The following TMCC1 variants were observed in gnomAD, a reference collection of about 807,000 sequenced individuals.
The protein encoded by TMCC1 is transmembrane and coiled-coil domains protein 1.
In TMCC1, 15 loss-of-function variants were observed where a neutral mutation model predicts 52.4. The observed-to-expected ratio is 0.29, with a 90% CI of 0.19 to 0.44. TMCC1 has a LOEUF of 0.44. TMCC1 is among the 20% of genes least tolerant of loss of function. The probability of loss-of-function intolerance (pLI) is 1.00; values close to 1 mark genes in which losing one functional copy is unlikely to be tolerated. For missense variants in TMCC1, 503 were observed against 806.0 expected (o/e 0.62, Z 4.55); for synonymous variants, 279 against 301.9 (o/e 0.92, Z 0.79).
chr3:129,830,453 A>C (rs2058856209), intron 3 of TMCC1, among the ~76,000 whole-genome samples: 1 of 152,236 alleles, frequency 6.6e-6, no homozygotes, highest in African/African-American at 2.4e-5. Context: ...AGTTACTGAA[A>C]GAATTGAGTT....
Position 129,662,327 on chromosome 3 carries a change from C to T in TMCC1, c.1512-7224G>A, listed in dbSNP as rs569739289. On this transcript the variant is annotated intron_variant, in intron 5 of 6. Coordinates refer to ENST00000393238, the MANE Select transcript of TMCC1 (RefSeq NM_001017395.5). ...TGTACTTACACAAATCTAGATAGTACAGCCTATGATACACTTAGGCTGTAT... is the reference window on the plus strand; with the variant it reads ...TGTACTTACACAAATCTAGATAGTATAGCCTATGATACACTTAGGCTGTAT... Among the ~76,000 whole-genome samples the T allele has an allele frequency of 9.2e-5, 14 of 152,268 alleles. No individual in the cohort carries two copies. In the South Asian group the frequency reaches 2.9e-3, roughly 32 times the overall value.
rs528356843 is a variant in TMCC1, at chr3:129,665,593, A to G, written c.1511+4737T>C. ...AACAGTGACTCAACTTTTAGTAAAC[A>G]TTTACTTCAACTTGGGATAGGCCTA... On this transcript the variant is annotated intron_variant, in intron 5 of 6. Transcript: ENST00000393238. 1.9e-3 allele frequency among the ~76,000 whole-genome samples: 288 copies of G among 152,308 alleles called. 4 individuals carry two copies. Among genetic ancestry groups the G allele is most frequent in the African/African-American group, 6.6e-3 (276 of 41,572 alleles).
chr3:129,790,183 AG>A (rs2056353243), intron 4 of TMCC1, among the ~76,000 whole-genome samples: 1 of 152,240 alleles, frequency 6.6e-6, no homozygotes, highest in African/African-American at 2.4e-5. Context: ...TCTACCCTAA[AG>A]TAAGTCTCAC....
intron 4 of TMCC1, among the ~76,000 whole-genome samples, chr3:129,703,290 G>A (rs2047979482): frequency 6.6e-6 from 1 of 152,186 alleles, no homozygotes; most frequent in East Asian, 1.9e-4. Flanking sequence ...GGCTACTTAC[G>A]GAAATCCAAC....
chr3:129,759,709 ACTTTT>A lies in TMCC1; in HGVS notation c.576+68089_576+68093del, dbSNP rs1473604618. ...GGCATGAGCCACTGCAGCCAGCCAA[ACTTTT>A]TTTTTTTTTTTTTTTTTTTTTTTTT... is the stretch of plus-strand genomic sequence containing the variant. On this transcript the variant is annotated intron_variant, in intron 4 of 6. Transcript: ENST00000393238. 6.5e-4 allele frequency among the ~76,000 whole-genome samples: 64 copies of A among 98,372 alleles called. 2 individuals are homozygous for A. Among genetic ancestry groups the A allele is most frequent in the African/African-American group, 1.9e-3 (48 of 25,372 alleles). The allele number at this position is 98,372 out of a possible 152,430, so 64.5% of individuals were successfully genotyped here.
chr3:129,795,701 C>T (rs2056779658), intron 4 of TMCC1, among the ~76,000 whole-genome samples: 1 of 152,152 alleles, frequency 6.6e-6, no homozygotes, highest in South Asian at 2.1e-4. Flanking sequence ...TGGAAAATTC[C>T]AGAAACAAAC....
intron 4 of TMCC1, among the ~76,000 whole-genome samples, chr3:129,798,001 C>CTT (rs1164349474): frequency 3.4e-5 from 3 of 88,582 alleles, no homozygotes; most frequent in Admixed American, 1.2e-4. Flanking sequence ...TTTTTTTTTT[C>CTT]TTTTTTTTTT....
At chr3:129,791,219 G>GA (rs989938867) in intron 4 of TMCC1, among the ~76,000 whole-genome samples, 88 of 150,970 alleles carry the variant, frequency 5.8e-4, no homozygotes, top group African/African-American at 2.0e-3. Context: ...TCAGCCTCCT[G>GA]AGTAGGTGGG....
intron 4 of TMCC1, among the ~76,000 whole-genome samples, chr3:129,743,164 G>C (rs1231970183): frequency 6.6e-6 from 1 of 152,132 alleles, no homozygotes; most frequent in Admixed American, 6.5e-5. Flanking sequence ...ACTTTCAATG[G>C]GTGAGGTGTA....
intron 6 of TMCC1, among the ~76,000 whole-genome samples, chr3:129,654,218 C>T (rs2086531584): frequency 6.6e-6 from 1 of 152,198 alleles, no homozygotes; most frequent in Non-Finnish European, 1.5e-5. Context: ...GCTTGGGCAA[C>T]TTCAGACTGA....
At chr3:129,848,124 TA>T (rs1270384497) in intron 2 of TMCC1, among the ~76,000 whole-genome samples, 1 of 152,370 alleles carries the variant, frequency 6.6e-6, no homozygotes, top group East Asian at 1.9e-4. Flanking sequence ...TTCATTTTCT[TA>T]AAGGTATCTT....
chr3:129,674,735 C>T (rs2088254670), intron 4 of TMCC1, among the ~76,000 whole-genome samples: 1 of 152,202 alleles, frequency 6.6e-6, no homozygotes, highest in East Asian at 1.9e-4. Context: ...TAATACTTAG[C>T]ACTTAGCTAT....
chr3:129,860,368 C>A (rs890328537), intron 2 of TMCC1, among the ~76,000 whole-genome samples: 2 of 151,880 alleles, frequency 1.3e-5, no homozygotes, highest in African/African-American at 2.4e-5. Context: ...CTGCGCCCAG[C>A]CCGTGAGTGG....
In TMCC1 at chr3:129,893,604, C is replaced by G. The variant is rs1300463701; in HGVS notation, c.-545G>C. 2 of 152,184 alleles carry G rather than the reference C, an allele frequency of 1.3e-5. No individual in the cohort carries two copies. The highest frequency in any genetic ancestry group is 6.6e-5 in the Admixed American group (1 of 15,150). 9.4% of individuals were successfully genotyped at this position (152,184 alleles called of 1,614,324 possible). On this transcript the variant is annotated 5_prime_UTR_variant, in exon 1 of 7. Coordinates refer to ENST00000393238, the MANE Select transcript of TMCC1 (RefSeq NM_001017395.5). ...ACCCGGTCCATCCCCCACAACCACC[C>G]CCCCCTCCCGACCCTCCCCCCGCGC...
intron 2 of TMCC1, among the ~76,000 whole-genome samples, chr3:129,843,911 C>CAAAAAAAAAAAAA (rs11391229): frequency 7.4e-6 from 1 of 135,618 alleles, no homozygotes; most frequent in Non-Finnish European, 1.6e-5. Flanking sequence ...CAGACACTAC[C>CAAAAAAAAAAAAA]AAAAAAAAAA....
At chr3:129,738,020 C>G (rs1321066576) in intron 4 of TMCC1, among the ~76,000 whole-genome samples, 2 of 152,034 alleles carry the variant, frequency 1.3e-5, no homozygotes, top group African/African-American at 4.8e-5. Context: ...CCTGTAATCC[C>G]AGCACTTTGG....
rs576183514 is a variant in TMCC1, at chr3:129,734,455, G to C, written c.577-63191C>G. On this transcript the variant is annotated intron_variant, in intron 4 of 6. Coordinates refer to ENST00000393238, the MANE Select transcript of TMCC1 (RefSeq NM_001017395.5). ...CATATTTGTTATTTGAGAGGCTGAG[G>C]TGGGCAGACTGCTTAAGCTCAGGAG... Among the ~76,000 whole-genome samples the C allele has an allele frequency of 9.5e-4, 145 of 152,276 alleles. 4 individuals carry two copies. In the South Asian group the frequency reaches 0.029, roughly 31 times the overall value.
chr3:129,657,590 C>T (rs903282408), intron 5 of TMCC1, among the ~76,000 whole-genome samples: 16 of 152,172 alleles, frequency 1.1e-4, no homozygotes, highest in Non-Finnish European at 2.1e-4. Context: ...ACTAACTCTC[C>T]TCATAAGTAA....
At chr3:129,892,612 C>T (rs1194115742) in intron 1 of TMCC1, 1 of 152,100 alleles carries the variant, frequency 6.6e-6, no homozygotes, top group Non-Finnish European at 1.5e-5. Context: ...CCTCTGACGG[C>T]TAGGCTCTAC....
Sources: allele counts gnomAD v4.1 joint callset (sites outside exome capture counted in the v4.1 genomes callset), GRCh38; gene constraint gnomAD v4.1.1; transcripts MANE v1.5; gene names NCBI Gene and HGNC (gene_info 2026-07-23, HGNC 2026-07-21).